Variants in PPP2R2C observed in about 807,000 individuals in gnomAD.
The protein encoded by PPP2R2C is protein phosphatase 2 regulatory subunit Bgamma, also known as protein phosphatase 2, regulatory subunit B, gamma.
In PPP2R2C, 10 loss-of-function variants were observed where a neutral mutation model predicts 45.3. The observed-to-expected ratio is 0.22, with a 90% CI of 0.14 to 0.37. The LOEUF is 0.37. Among genes scored for constraint, PPP2R2C ranks in the 10% least tolerant of loss-of-function variants. PPP2R2C has a pLI of 1.00. For missense variants in PPP2R2C, 308 were observed against 619.7 expected, an observed-to-expected ratio of 0.50 and a Z score of 5.34; for synonymous variants, 257 against 245.4, an observed-to-expected ratio of 1.05 and a Z score of -0.44.
intron 1 of PPP2R2C, among the ~76,000 whole-genome samples, chr4:6,388,144 C>T (rs901872885): frequency 3.2e-4 from 48 of 152,222 alleles, no homozygotes; most frequent in Non-Finnish European, 3.4e-4. Context: ...CCTTCCCCCC[C>T]TGAGGTGCCT....
intron 1 of PPP2R2C, among the ~76,000 whole-genome samples, chr4:6,390,445 C>A (rs1383875413): frequency 6.6e-6 from 1 of 152,200 alleles, no homozygotes; most frequent in Non-Finnish European, 1.5e-5. Flanking sequence ...AGGTAGAAGG[C>A]GGCCCATCCC....
chr4:6,501,493 C>G (rs1406768672), intron 2 of PPP2R2C, among the ~76,000 whole-genome samples: 1 of 152,184 alleles, frequency 6.6e-6, no homozygotes, highest in Non-Finnish European at 1.5e-5. Flanking sequence ...GACCATGCCC[C>G]TTCGGAAATC....
chr4:6,341,886 C>T (rs1270632011), intron 6 of PPP2R2C, among the ~76,000 whole-genome samples: 1 of 152,066 alleles, frequency 6.6e-6, no homozygotes, highest in Non-Finnish European at 1.5e-5. Context: ...TCATTTTAGC[C>T]CGAGTTCCAG....
intron 5 of PPP2R2C, chr4:6,348,624 C>T (rs948218397): frequency 1.0e-6 from 1 of 984,888 alleles, no homozygotes; most frequent in Non-Finnish European, 1.2e-6. Context: ...GATCTGTGCT[C>T]TCCAGACCCC....
chr4:6,541,878 G>A (rs1232412354), intron 1 of PPP2R2C, among the ~76,000 whole-genome samples: 1 of 152,190 alleles, frequency 6.6e-6, no homozygotes, highest in African/African-American at 2.4e-5. Context: ...GGAACCAAGT[G>A]GAATCCCTGA....
intron 5 of PPP2R2C, chr4:6,351,242 G>C: frequency 2.0e-6 from 1 of 510,070 alleles, no homozygotes; most frequent in Non-Finnish European, 2.5e-6. Flanking sequence ...TGACTGGGGA[G>C]GCAGAGGTTG....
chr4:6,521,892 T>A lies in PPP2R2C; in HGVS notation c.49+13379A>T, dbSNP rs559190790. On this transcript the variant is annotated intron_variant, in intron 2 of 9. Coordinates refer to the PPP2R2C transcript ENST00000506140. ...GAGCCGGGAAGCACACCAGGCCATC[T>A]GCCTCCAGAGCCACCCACTAAACCT... 2.6e-5 allele frequency among the ~76,000 whole-genome samples: 4 copies of A among 152,320 alleles called. No homozygotes were observed. In the South Asian group the frequency reaches 8.3e-4, roughly 32 times the overall value.
intron 2 of PPP2R2C, among the ~76,000 whole-genome samples, chr4:6,517,741 G>A (rs1033939183): frequency 6.6e-6 from 1 of 152,156 alleles, no homozygotes; most frequent in African/African-American, 2.4e-5. Flanking sequence ...GAGCCTGGAG[G>A]CCCACCTTGG....
intron 2 of PPP2R2C, among the ~76,000 whole-genome samples, chr4:6,497,091 C>A (rs747096199): frequency 6.6e-6 from 1 of 152,006 alleles, no homozygotes; most frequent in East Asian, 1.9e-4. Flanking sequence ...TGAGTCCACA[C>A]CTGAGCAGCA....
At chr4:6,445,773 T>C (rs12640531) in intron 1 of PPP2R2C, among the ~76,000 whole-genome samples, 39,149 of 152,210 alleles carry the variant, frequency 0.26, 5,685 homozygotes, top group Non-Finnish European at 0.34. Context: ...CTAATGCAAG[T>C]GACCCAAGAG....
rs1381003735 is a variant in PPP2R2C, at chr4:6,324,633, C to T, written c.1053-1040G>A. Among the ~76,000 whole-genome samples the T allele has an allele frequency of 6.6e-6, 1 of 152,214 alleles. No individual in the cohort carries two copies. The highest frequency in any genetic ancestry group is 1.5e-5 in the Non-Finnish European group (1 of 68,028). On this transcript the variant is annotated intron_variant, in intron 8 of 8. Coordinates refer to ENST00000382599, the MANE Select transcript of PPP2R2C (RefSeq NM_020416.4). The surrounding 1 kb of genome is among the most constrained non-coding windows in gnomAD (Gnocchi z 4.1). ...CTCGGGCGAATAAACAAACATGCAT[C>T]GCCATGAGGGTCGGGGCGAGCAGTG... is the stretch of plus-strand genomic sequence containing the variant.
At chr4:6,459,057 C>A (rs568352738) in intron 1 of PPP2R2C, among the ~76,000 whole-genome samples, 1 of 152,322 alleles carries the variant, frequency 6.6e-6, no homozygotes, top group Admixed American at 6.5e-5. Flanking sequence ...TTACCCACTG[C>A]TGTGTAACAA....
In PPP2R2C at chr4:6,559,076, T is replaced by C. The variant is rs964484684; in HGVS notation, c.-59+4484A>G. 2.0e-5 allele frequency among the ~76,000 whole-genome samples: 3 copies of C among 152,214 alleles called. No homozygotes were observed. The East Asian group carries it at 5.8e-4, about 29-fold the overall frequency. On this transcript the variant is annotated intron_variant, in intron 1 of 9. Coordinates refer to the PPP2R2C transcript ENST00000506140. ...CACTGCGCTGAGACAGGGGCTCTGA[T>C]GAGCAGGCAGCCCTGACAATAGCAG...
intron 1 of PPP2R2C, among the ~76,000 whole-genome samples, chr4:6,442,645 C>T (rs575392513): frequency 6.6e-6 from 1 of 152,282 alleles, no homozygotes; most frequent in East Asian, 1.9e-4. Flanking sequence ...GCACTCACTC[C>T]GTGTTTTATA....
chr4:6,481,695 G>A (rs909611441), intron 2 of PPP2R2C, among the ~76,000 whole-genome samples: 13 of 152,150 alleles, frequency 8.5e-5, no homozygotes, highest in African/African-American at 3.1e-4. Flanking sequence ...AAATCCTGTT[G>A]GGGCCCGGCA....
chr4:6,376,927 C>T (rs569728578), intron 3 of PPP2R2C, among the ~76,000 whole-genome samples: 40 of 152,200 alleles, frequency 2.6e-4, no homozygotes, highest in South Asian at 2.3e-3. Context: ...AGGTGCATGG[C>T]GGGAGAACAC....
At chr4:6,463,286 C>T (rs1258555662) in intron 1 of PPP2R2C, among the ~76,000 whole-genome samples, 1 of 152,014 alleles carries the variant, frequency 6.6e-6, no homozygotes, top group Non-Finnish European at 1.5e-5. Flanking sequence ...GGCAGCTGTG[C>T]CAGACCCAGA....
chr4:6,456,818 T>C (rs1426407344), intron 1 of PPP2R2C, among the ~76,000 whole-genome samples: 1 of 152,238 alleles, frequency 6.6e-6, no homozygotes, highest in Non-Finnish European at 1.5e-5. Flanking sequence ...GAAACATCAC[T>C]GTGGCCTGGC....
intron 3 of PPP2R2C, among the ~76,000 whole-genome samples, chr4:6,376,519 C>A (rs1715317122): frequency 6.6e-6 from 1 of 151,822 alleles, no homozygotes; most frequent in Non-Finnish European, 1.5e-5. Context: ...GTGGCACCAT[C>A]TCAGCTCACT....
Sources: gnomAD v4.1 joint callset for allele counts (sites outside exome capture counted in the v4.1 genomes callset) on GRCh38, gnomAD v4.1.1 for gene constraint, Gnocchi (gnomAD v3.1) non-coding constraint, MANE v1.5 for transcripts, NCBI Gene and HGNC (gene_info 2026-07-23, HGNC 2026-07-21) for gene names.